Variants in ZMAT4 observed in about 807,000 individuals in gnomAD.
ZMAT4 encodes zinc finger matrin-type 4.
ZMAT4 carries 17 observed loss-of-function variants against 28.7 expected under a neutral mutation model. The ratio of observed to expected loss-of-function variants is 0.59; its 90% CI spans 0.41 to 0.89. The LOEUF is 0.89. Among genes scored for constraint, ZMAT4 ranks in the 40% least tolerant of loss-of-function variants. The probability of loss-of-function intolerance (pLI) is 0.00; values close to 1 mark genes in which losing one functional copy is unlikely to be tolerated. For synonymous variants in ZMAT4, 117 were observed against 109.2 expected (o/e 1.07, Z -0.44); for missense variants, 240 against 283.8 (o/e 0.85, Z 1.11).
chr8:40,675,834 G>GT lies in ZMAT4; in HGVS notation c.350-904dup, dbSNP rs1003214732. 5.3e-5 allele frequency among the ~76,000 whole-genome samples: 8 copies of GT among 152,090 alleles called. 1 individual carries two copies. The East Asian group carries it at 1.4e-3, about 26-fold the overall frequency. ...CTCACGTTGATGCTGAAATAACAAT[G>GT]TTTTTTTAAAAATCAAAAGAAAAAT... is the stretch of plus-strand genomic sequence containing the variant. On this transcript the variant is annotated intron_variant, in intron 4 of 6. Transcript: ENST00000297737.
intron 6 of ZMAT4, among the ~76,000 whole-genome samples, chr8:40,557,328 T>C (rs1242572038): frequency 6.6e-6 from 1 of 152,104 alleles, no homozygotes; most frequent in South Asian, 2.1e-4. Context: ...TAAAATACCA[T>C]TTAGGTTCTT....
At chr8:40,692,607 G>A (rs897811319) in intron 4 of ZMAT4, among the ~76,000 whole-genome samples, 2 of 152,132 alleles carry the variant, frequency 1.3e-5, no homozygotes, top group Admixed American at 1.3e-4. Context: ...CAGATAAAAA[G>A]CAAATGGGTG....
In ZMAT4 at chr8:40,690,974, T is replaced by C. The variant is rs1391315871; in HGVS notation, c.349+6271A>G. 3.5e-5 allele frequency: 34 copies of C among 965,424 alleles called. 1 individual carries two copies. Among genetic ancestry groups the C allele is most frequent in the Non-Finnish European group, 3.8e-5 (31 of 811,772 alleles). 59.8% of individuals were successfully genotyped at this position (965,424 alleles called of 1,614,324 possible). Reference sequence around the variant, plus strand: ...CAAATAAGAAATACTTGATTTAAAGTGTATAAATATCTGTCTTTGTTGCTA... The same window carrying C: ...CAAATAAGAAATACTTGATTTAAAGCGTATAAATATCTGTCTTTGTTGCTA... On this transcript the variant is annotated intron_variant, in intron 4 of 6. Transcript: ENST00000297737.
chr8:40,536,681 T>A (rs1021801960), intron 6 of ZMAT4, among the ~76,000 whole-genome samples: 3 of 152,062 alleles, frequency 2.0e-5, no homozygotes, highest in Non-Finnish European at 4.4e-5. Flanking sequence ...CAGCCTCTCC[T>A]ATCCCCCTTG....
intron 4 of ZMAT4, among the ~76,000 whole-genome samples, chr8:40,684,021 T>A (rs1412186688): frequency 6.6e-5 from 10 of 152,030 alleles, no homozygotes; most frequent in Admixed American, 5.9e-4. Context: ...TGAACCATAT[T>A]TGTGCCACTG....
chr8:40,635,152 C>A (rs921213308), intron 5 of ZMAT4, among the ~76,000 whole-genome samples: 5 of 152,100 alleles, frequency 3.3e-5, no homozygotes, highest in Non-Finnish European at 5.9e-5. Context: ...GGTTTTGTCT[C>A]CCAAACCTGT....
At chr8:40,846,408 G>A (rs1482469516) in intron 1 of ZMAT4, among the ~76,000 whole-genome samples, 1 of 152,212 alleles carries the variant, frequency 6.6e-6, no homozygotes, top group Non-Finnish European at 1.5e-5. Flanking sequence ...CAGAGCTCTG[G>A]TCCGCAGAGG....
intron 1 of ZMAT4, among the ~76,000 whole-genome samples, chr8:40,829,151 C>T (rs1816184574): frequency 6.6e-6 from 1 of 152,118 alleles, no homozygotes; most frequent in African/African-American, 2.4e-5. Flanking sequence ...GGCCTTGGGA[C>T]ATTCTGAGGA....
chr8:40,727,024 C>T (rs1442202201), intron 3 of ZMAT4, among the ~76,000 whole-genome samples: 1 of 152,082 alleles, frequency 6.6e-6, no homozygotes, highest in East Asian at 1.9e-4. Context: ...CGGAAGGATA[C>T]TTTCAAGTAC....
At chr8:40,589,760 C>CTTTCTTTCTTTCT (rs1563353939) in intron 5 of ZMAT4, among the ~76,000 whole-genome samples, 3 of 52,912 alleles carry the variant, frequency 5.7e-5, no homozygotes, top group Non-Finnish European at 1.3e-4. Flanking sequence ...TTCTTTCTTT[C>CTTTCTTTCTTTCT]TTTTTCTTTC....
chr8:40,650,054 A>C (rs1349399010), intron 5 of ZMAT4, among the ~76,000 whole-genome samples: 1 of 152,144 alleles, frequency 6.6e-6, no homozygotes, highest in African/African-American at 2.4e-5. Context: ...AAGCTAGAAG[A>C]AGGCAAGAAA....
At chr8:40,740,506 A>G (rs1174449415) in intron 3 of ZMAT4, among the ~76,000 whole-genome samples, 1 of 152,256 alleles carries the variant, frequency 6.6e-6, no homozygotes, top group Non-Finnish European at 1.5e-5. Flanking sequence ...AAATAACAAA[A>G]TCTAGTTTCA....
chr8:40,646,735 A>G (rs1343440037), intron 5 of ZMAT4, among the ~76,000 whole-genome samples: 1 of 152,246 alleles, frequency 6.6e-6, no homozygotes, highest in African/African-American at 2.4e-5. Context: ...AAGGAGAAAT[A>G]GATCATTCAA....
intron 3 of ZMAT4, among the ~76,000 whole-genome samples, chr8:40,731,880 G>C (rs1299970437): frequency 6.6e-6 from 1 of 152,226 alleles, no homozygotes; most frequent in Non-Finnish European, 1.5e-5. Context: ...TAATGGAATA[G>C]TATCTAGCCT....
chr8:40,731,812 G>A (rs1358724564), intron 3 of ZMAT4, among the ~76,000 whole-genome samples: 1 of 152,212 alleles, frequency 6.6e-6, no homozygotes, highest in African/African-American at 2.4e-5. Context: ...CTAACAGGTG[G>A]AAGCAATTCA....
chr8:40,842,335 G>A (rs1322838040), intron 1 of ZMAT4, among the ~76,000 whole-genome samples: 2 of 152,184 alleles, frequency 1.3e-5, no homozygotes, highest in Non-Finnish European at 2.9e-5. Context: ...CTCCAAATCC[G>A]GGGGTCTTTC....
intron 1 of ZMAT4, among the ~76,000 whole-genome samples, chr8:40,865,383 T>A (rs978355476): frequency 6.6e-6 from 1 of 152,202 alleles, no homozygotes; most frequent in South Asian, 2.1e-4. Flanking sequence ...GCATCACCAC[T>A]GCAGCCTGTG....
chr8:40,798,234 A>C (rs886745629), intron 2 of ZMAT4, among the ~76,000 whole-genome samples: 3 of 152,146 alleles, frequency 2.0e-5, no homozygotes, highest in Non-Finnish European at 2.9e-5. Context: ...CAGGGTCCTG[A>C]TCTGCAAGTT....
At chr8:40,646,154 G>A (rs1807303956) in intron 5 of ZMAT4, among the ~76,000 whole-genome samples, 1 of 151,756 alleles carries the variant, frequency 6.6e-6, no homozygotes, top group Admixed American at 6.6e-5. Context: ...CTTTTTAAGT[G>A]TTTAATTCAC....
Sources: allele counts gnomAD v4.1 joint callset (sites outside exome capture counted in the v4.1 genomes callset), GRCh38; gene constraint gnomAD v4.1.1; transcripts MANE v1.5; gene names NCBI Gene and HGNC (gene_info 2026-07-23, HGNC 2026-07-21).